TSHZ2: variants seen among roughly 807,000 people sequenced by gnomAD.
TSHZ2 encodes the protein teashirt homolog 2.
In TSHZ2, 21 loss-of-function variants were observed where a neutral mutation model predicts 74.4. The observed-to-expected ratio is 0.28, with a 90% confidence interval of 0.20 to 0.41. The LOEUF (loss-of-function observed/expected upper bound fraction) is 0.41. Ranked by LOEUF, TSHZ2 falls within the 10% of genes least tolerant of loss-of-function variation. The pLI is 1.00. For synonymous variants in TSHZ2, 540 were observed against 515.3 expected, an observed-to-expected ratio of 1.05 and a Z score of -0.65; for missense variants, 1,244 against 1,293.5, an observed-to-expected ratio of 0.96 and a Z score of 0.59.
intron 1 of TSHZ2, among the ~76,000 whole-genome samples, chr20:52,981,575 A>G (rs1402835977): frequency 1.3e-5 from 2 of 152,236 alleles, no homozygotes; most frequent in African/African-American, 2.4e-5. Flanking sequence ...CTTACCAGTT[A>G]TCACAGAACA....
Position 53,161,130 on chromosome 20 carries a change from C to CAAAAAAAAAAAAAAA in TSHZ2, c.41-92360_41-92346dup, listed in dbSNP as rs368626161. Among the ~76,000 whole-genome samples the CAAAAAAAAAAAAAAA allele has an allele frequency of 4.0e-4, 27 of 67,966 alleles. 3 individuals are homozygous for CAAAAAAAAAAAAAAA. The highest frequency in any genetic ancestry group is 3.1e-3 in the East Asian group (6 of 1,940). 44.6% of individuals were successfully genotyped at this position (67,966 alleles called of 152,430 possible). On this transcript the variant is annotated intron_variant, in intron 1 of 2. Coordinates refer to ENST00000371497, the MANE Select transcript of TSHZ2 (RefSeq NM_173485.6). ...AGAAACCAACTCTGGTTATTTTCAG[C>CAAAAAAAAAAAAAAA]AAAAAAAAAAAAAAAAAAAAAAATA...
intron 2 of TSHZ2, chr20:53,398,420 C>T (rs1319224229): frequency 1.3e-5 from 2 of 152,174 alleles, no homozygotes; most frequent in Non-Finnish European, 2.9e-5. Context: ...TATCTGAAGT[C>T]AGACCAACTG....
At chr20:53,358,957 C>A (rs1980952644) in intron 2 of TSHZ2, among the ~76,000 whole-genome samples, 1 of 152,022 alleles carries the variant, frequency 6.6e-6, no homozygotes, top group Non-Finnish European at 1.5e-5. Flanking sequence ...AATCAAAAAC[C>A]AAATGTCTAT....
At chr20:53,246,040 C>CTTTTTTTTTTTTTTTTTTT (rs57243805) in intron 1 of TSHZ2, among the ~76,000 whole-genome samples, 100 of 130,596 alleles carry the variant, frequency 7.7e-4, no homozygotes, top group Middle Eastern at 4.1e-3. Context: ...TTCTTTCTTT[C>CTTTTTTTTTTTTTTTTTTT]TTTTTTTTTT....
intron 2 of TSHZ2, among the ~76,000 whole-genome samples, chr20:53,300,326 A>C (rs1314389869): frequency 6.6e-6 from 1 of 152,216 alleles, no homozygotes; most frequent in Admixed American, 6.5e-5. Context: ...AAGCACTTAC[A>C]TCTCAATATA....
At chr20:52,995,695 C>T (rs1220363652) in intron 1 of TSHZ2, among the ~76,000 whole-genome samples, 1 of 151,590 alleles carries the variant, frequency 6.6e-6, no homozygotes, top group Non-Finnish European at 1.5e-5. Context: ...TCACTGCAAC[C>T]TCTGCCTTTC....
intron 2 of TSHZ2, among the ~76,000 whole-genome samples, chr20:53,429,448 C>T (rs1434773474): frequency 1.3e-5 from 2 of 152,158 alleles, no homozygotes; most frequent in Non-Finnish European, 2.9e-5. Flanking sequence ...GTGCTGTTCT[C>T]GTGATAGTGA....
At chr20:53,282,012 A>G (rs1991070262) in intron 2 of TSHZ2, among the ~76,000 whole-genome samples, 2 of 152,240 alleles carry the variant, frequency 1.3e-5, no homozygotes, top group Admixed American at 1.3e-4. Context: ...TAAAACACTC[A>G]GAAGCCAGAC....
chr20:53,199,508 A>C (rs1452423936), intron 1 of TSHZ2, among the ~76,000 whole-genome samples: 2 of 152,218 alleles, frequency 1.3e-5, no homozygotes, highest in Admixed American at 1.3e-4. Flanking sequence ...ATCAAGACAC[A>C]TGAATATTGT....
intron 2 of TSHZ2, among the ~76,000 whole-genome samples, chr20:53,295,026 A>T (rs769898621): frequency 6.6e-6 from 1 of 152,194 alleles, no homozygotes; most frequent in Non-Finnish European, 1.5e-5. Context: ...TGCAGTATTT[A>T]TGAACATCAT....
intron 2 of TSHZ2, among the ~76,000 whole-genome samples, chr20:53,270,596 G>A (rs1990813620): frequency 6.6e-6 from 1 of 152,044 alleles, no homozygotes. Context: ...GTGAAATTCT[G>A]TGCATAGTAC....
chr20:53,214,208 A>G (rs1989381853), intron 1 of TSHZ2, among the ~76,000 whole-genome samples: 1 of 152,252 alleles, frequency 6.6e-6, no homozygotes, highest in South Asian at 2.1e-4. Flanking sequence ...GGAAATAACA[A>G]TGAGCAAAAC....
intron 2 of TSHZ2, among the ~76,000 whole-genome samples, chr20:53,308,960 C>T (rs528300958): frequency 2.9e-4 from 44 of 152,128 alleles, no homozygotes; most frequent in Non-Finnish European, 4.7e-4. Context: ...AAGAGGGCTG[C>T]GGTTTTAACA....
chr20:53,014,253 C>T (rs1982956272), intron 1 of TSHZ2, among the ~76,000 whole-genome samples: 1 of 151,994 alleles, frequency 6.6e-6, no homozygotes, highest in Non-Finnish European at 1.5e-5. Flanking sequence ...CATGTCTCTT[C>T]TTACAAGGGC....
intron 1 of TSHZ2, among the ~76,000 whole-genome samples, chr20:53,082,768 C>T (rs769266690): frequency 9.2e-5 from 14 of 152,186 alleles, no homozygotes; most frequent in Non-Finnish European, 1.9e-4. Context: ...GGGTGAAAAA[C>T]CTGTGCTTTC....
At chr20:53,420,887 G>A (rs142564675) in intron 2 of TSHZ2, among the ~76,000 whole-genome samples, 1 of 152,222 alleles carries the variant, frequency 6.6e-6, no homozygotes, top group African/African-American at 2.4e-5. Flanking sequence ...GGGAAGTCTT[G>A]CAGTAAAGTC....
chr20:53,455,555 T>A (rs1371990816), intron 2 of TSHZ2: 1 of 152,110 alleles, frequency 6.6e-6, no homozygotes, highest in African/African-American at 2.4e-5. Flanking sequence ...CAGTTGAATA[T>A]GTTTTTCTTT....
chr20:53,430,368 G>C (rs1262704646), intron 2 of TSHZ2, among the ~76,000 whole-genome samples: 2 of 151,944 alleles, frequency 1.3e-5, no homozygotes, highest in Admixed American at 6.6e-5. Context: ...GCCTCCCAAA[G>C]TGCTGGGATT....
At chr20:53,148,639 A>G (rs1987600737) in intron 1 of TSHZ2, among the ~76,000 whole-genome samples, 1 of 152,150 alleles carries the variant, frequency 6.6e-6, no homozygotes, top group Admixed American at 6.5e-5. Context: ...TTCAATATGT[A>G]TGGATCATGG....
Sources: gnomAD v4.1 joint callset for allele counts (sites outside exome capture counted in the v4.1 genomes callset) on GRCh38, gnomAD v4.1.1 for gene constraint, MANE v1.5 for transcripts, NCBI Gene and HGNC (gene_info 2026-07-23, HGNC 2026-07-21) for gene names.